The following SMIM21 variants were observed in gnomAD, a reference collection of about 807,000 sequenced individuals.
SMIM21 encodes small integral membrane protein 21.
In SMIM21, 8 loss-of-function variants were observed where a neutral mutation model predicts 8.6. The ratio of observed to expected loss-of-function variants is 0.93; its 90% confidence interval spans 0.55 to 1.68. The LOEUF (loss-of-function observed/expected upper bound fraction) is 1.68. Among genes scored for constraint, SMIM21 ranks in the 40% most tolerant of loss-of-function variants. The pLI, the probability that SMIM21 is intolerant of heterozygous loss-of-function variation, is 0.00. For missense variants in SMIM21, 132 were observed against 123.0 expected, an observed-to-expected ratio of 1.07 and a Z score of -0.35; for synonymous variants, 43 against 41.7, an observed-to-expected ratio of 1.03 and a Z score of -0.12.
At chr18:75,426,029 C>T (rs773855155) in intron 1 of SMIM21, among the ~76,000 whole-genome samples, 1 of 152,098 alleles carries the variant, frequency 6.6e-6, no homozygotes, top group Non-Finnish European at 1.5e-5. Context: ...CGAGTGCCTC[C>T]TGAGTCATGC....
Position 75,419,305 on chromosome 18 carries a change from G to T in SMIM21, c.130-389C>A, listed in dbSNP as rs529036978. Among the ~76,000 whole-genome samples, 5 of 152,242 alleles carry T rather than the reference G, an allele frequency of 3.3e-5. No individual in the cohort carries two copies. In the East Asian group the frequency reaches 9.7e-4, roughly 29 times the overall value. On this transcript the variant is annotated intron_variant, in intron 1 of 2. Coordinates refer to ENST00000579022, the MANE Select transcript of SMIM21 (RefSeq NM_001037331.3). ...GCCCAGTGAGTTATCAAACAGATCT[G>T]TGACCAGTATGACTTTAGTGTTCCA... is the stretch of plus-strand genomic sequence containing the variant.
At chr18:75,417,918 G>A (rs2024665469) in intron 2 of SMIM21, 1 of 318,700 alleles carries the variant, frequency 3.1e-6, no homozygotes, top group African/African-American at 2.1e-5. Context: ...GATTGACTAT[G>A]GAAGAAATTC....
chr18:75,418,078 A>G, intron 2 of SMIM21: 3 of 397,456 alleles, frequency 7.5e-6, no homozygotes, highest in Non-Finnish European at 4.4e-6. Context: ...CTGGTATCTG[A>G]AACTTGGCTG....
At chr18:75,426,454 T>A (rs72483086) in intron 1 of SMIM21, among the ~76,000 whole-genome samples, 40,184 of 151,192 alleles carry the variant, frequency 0.27, 6,375 homozygotes, top group Middle Eastern at 0.37. Flanking sequence ...GGACTACAAG[T>A]GCCCGCCACC....
intron 2 of SMIM21, among the ~76,000 whole-genome samples, chr18:75,415,649 A>G (rs1439474767): frequency 2.0e-5 from 3 of 152,266 alleles, no homozygotes; most frequent in Non-Finnish European, 4.4e-5. Flanking sequence ...TTCCATGGAC[A>G]CACACAGACT....
At chr18:75,417,859 A>C (rs1389473578) in intron 2 of SMIM21, 1 of 221,032 alleles carries the variant, frequency 4.5e-6, no homozygotes, top group Non-Finnish European at 8.8e-6. Context: ...CTTGTGGAGA[A>C]ACAAGATGGT....
At chr18:75,426,097 T>C (rs2024758469) in intron 1 of SMIM21, among the ~76,000 whole-genome samples, 1 of 152,268 alleles carries the variant, frequency 6.6e-6, no homozygotes, top group African/African-American at 2.4e-5. Flanking sequence ...ACCGGCCTAG[T>C]ATTAATTCAT....
At chr18:75,418,750 A>AT (rs33995140) in intron 2 of SMIM21, 36 bp downstream of exon 2, 113 of 1,514,650 alleles carry the variant, frequency 7.5e-5, no homozygotes, top group Middle Eastern at 1.8e-4. Flanking sequence ...AATATGTAGT[A>AT]TTTTTTTTTA....
chr18:75,422,395 A>G (rs987752524), intron 1 of SMIM21, among the ~76,000 whole-genome samples: 2 of 152,198 alleles, frequency 1.3e-5, no homozygotes, highest in African/African-American at 4.8e-5. Context: ...ACACTTTAAA[A>G]AACAGACTGA....
chr18:75,424,489 C>G (rs2024740923), intron 1 of SMIM21, among the ~76,000 whole-genome samples: 1 of 152,106 alleles, frequency 6.6e-6, no homozygotes, highest in African/African-American at 2.4e-5. Flanking sequence ...TAATAATGTC[C>G]TTGCATGGGG....
chr18:75,413,371 C>G (rs950377583), intron 2 of SMIM21, among the ~76,000 whole-genome samples: 2 of 152,150 alleles, frequency 1.3e-5, no homozygotes, highest in African/African-American at 4.8e-5. Flanking sequence ...CTGATCACCC[C>G]CTGTGAAATT....
chr18:75,424,934 A>C (rs2024745729), intron 1 of SMIM21, among the ~76,000 whole-genome samples: 1 of 152,232 alleles, frequency 6.6e-6, no homozygotes, highest in Non-Finnish European at 1.5e-5. Flanking sequence ...GATGTGCTGC[A>C]CATCACACTC....
chr18:75,418,960 T>G, intron 1 of SMIM21, 44 bp from the exon 2 acceptor site: 1 of 1,336,906 alleles, frequency 7.5e-7, no homozygotes. Context: ...AGTGTCTGGC[T>G]TTTCAAGCTT....
chr18:75,410,680 A>G lies in SMIM21; in HGVS notation c.*184T>C. 9.3e-6 allele frequency: 13 copies of G among 1,404,868 alleles called. No homozygotes were observed. The highest frequency in any genetic ancestry group is 1.2e-5 in the Non-Finnish European group (13 of 1,081,438). The allele number at this position is 1,404,868 out of a possible 1,614,324, so 87.0% of individuals were successfully genotyped here. ...AACAGAAAAAGGAAGAGTGCCCCTCAAGAACAAAGCAGACATTATCATTGC... is the reference window on the plus strand; with the variant it reads ...AACAGAAAAAGGAAGAGTGCCCCTCGAGAACAAAGCAGACATTATCATTGC... On this transcript the variant is annotated 3_prime_UTR_variant, in exon 3 of 3. Transcript: ENST00000579022.
intron 1 of SMIM21, 58 bp from the exon 2 acceptor site, chr18:75,418,974 G>A: frequency 2.0e-6 from 2 of 1,024,372 alleles, no homozygotes; most frequent in East Asian, 4.8e-5. Flanking sequence ...CAAGCTTCAT[G>A]CTACAAGCAG....
chr18:75,412,048 C>G (rs1435960829), intron 2 of SMIM21, among the ~76,000 whole-genome samples: 1 of 152,198 alleles, frequency 6.6e-6, no homozygotes, highest in Non-Finnish European at 1.5e-5. Context: ...CTGCTACACA[C>G]TGAGGGACTA....
chr18:75,424,944 C>T (rs954642670), intron 1 of SMIM21, among the ~76,000 whole-genome samples: 40 of 152,214 alleles, frequency 2.6e-4, no homozygotes, highest in Non-Finnish European at 2.6e-4. Flanking sequence ...ACATCACACT[C>T]CTCACGCTGT....
At chr18:75,421,637 A>G (rs931361417) in intron 1 of SMIM21, among the ~76,000 whole-genome samples, 2 of 152,112 alleles carry the variant, frequency 1.3e-5, no homozygotes, top group Non-Finnish European at 2.9e-5. Context: ...AGTGTAAGAT[A>G]CCCAAGAACT....
chr18:75,418,916 A>G lies in SMIM21; in HGVS notation c.130T>C (p.Phe44Leu). 2.5e-6 allele frequency: 4 copies of G among 1,589,084 alleles called. No individual in the cohort carries two copies. Among genetic ancestry groups the G allele is most frequent in the Non-Finnish European group, 3.5e-6 (4 of 1,158,366 alleles). Residue 44 changes from phenylalanine to leucine, a missense_variant and splice_region_variant, in exon 2 of 3, where the codon TTT (phenylalanine) becomes CTT (leucine). By Grantham distance (22) the Phe-to-Leu change is conservative. Transcript: ENST00000579022. ...NLLQKKALTTFENEHHIRFFT... is the reference protein window; with the variant it reads ...NLLQKKALTTLENEHHIRFFT... ...AAACGAATATGGTGTTCATTTTCAA[A>G]CTGAAAAAGGAAATAATTACAGTTA...
Sources: allele counts gnomAD v4.1 joint callset (sites outside exome capture counted in the v4.1 genomes callset), GRCh38; gene constraint gnomAD v4.1.1; transcripts MANE v1.5; gene names NCBI Gene and HGNC (gene_info 2026-07-23, HGNC 2026-07-21).